The following UTRN variants were observed in gnomAD, a reference collection of about 807,000 sequenced individuals.
The protein encoded by UTRN is utrophin.
In UTRN, 283 loss-of-function variants were observed where a neutral mutation model predicts 463.9. The observed-to-expected ratio is 0.61, with a 90% CI of 0.55 to 0.67. The LOEUF is 0.67. Ranked by LOEUF, UTRN falls within the 30% of genes least tolerant of loss-of-function variation. The probability of loss-of-function intolerance (pLI) is 0.00; values close to 1 mark genes in which losing one functional copy is unlikely to be tolerated. For missense variants in UTRN, 3,922 were observed against 4,084.3 expected (o/e 0.96, Z 1.08); for synonymous variants, 1,442 against 1,431.5 (o/e 1.01, Z -0.17).
At chr6:144,413,118 G>T (rs1008928891) in intron 3 of UTRN, among the ~76,000 whole-genome samples, 2 of 152,094 alleles carry the variant, frequency 1.3e-5, no homozygotes, top group African/African-American at 4.8e-5. Context: ...TAACGTGTTT[G>T]CCATATTATG....
At chr6:144,790,959 G>A (rs184208171) in intron 62 of UTRN, among the ~76,000 whole-genome samples, 21 of 152,302 alleles carry the variant, frequency 1.4e-4, no homozygotes, top group Admixed American at 5.2e-4. Context: ...GGCAGGGGAA[G>A]CAGAAGGCTC....
At chr6:144,403,819 A>G in intron 3 of UTRN, among the ~76,000 whole-genome samples, 1 of 152,156 alleles carries the variant, frequency 6.6e-6, no homozygotes, top group East Asian at 1.9e-4. Context: ...ATGATTATCT[A>G]TTAGTTATTG....
At chr6:144,674,872 C>A (rs1305842676) in intron 51 of UTRN, among the ~76,000 whole-genome samples, 1 of 152,160 alleles carries the variant, frequency 6.6e-6, no homozygotes, top group East Asian at 1.9e-4. Context: ...TTTAAAATTT[C>A]TTTAAGGTAG....
chr6:144,322,817 C>G (rs938998662), intron 2 of UTRN, among the ~76,000 whole-genome samples: 1 of 152,036 alleles, frequency 6.6e-6, no homozygotes, highest in Non-Finnish European at 1.5e-5. Flanking sequence ...GTGGCGGGCT[C>G]CTGTAGTCCC....
Position 144,493,330 on chromosome 6 carries a change from A to G in UTRN, c.4467A>G (p.Lys1489=), listed in dbSNP as rs759435370. The G allele has an allele frequency of 2.7e-5, 44 of 1,614,022 alleles. No individual in the cohort carries two copies. The Admixed American group carries it at 7.3e-4, about 27-fold the overall frequency. ...TGTATAAAACTTTGAGTGAAGTCAA[A>G]CTTGAAGTGGAAACTGTGATTAAAA... ...MKLYKTLSEV[K]LEVETVIKTG... Residue 1489 remains lysine (K), a synonymous_variant, in exon 33 of 75, where the codon AAA becomes AAG. Coordinates refer to ENST00000367545, the MANE Select transcript of UTRN (RefSeq NM_007124.3).
At chr6:144,364,969 G>T (rs1476306087) in intron 2 of UTRN, among the ~76,000 whole-genome samples, 1 of 152,186 alleles carries the variant, frequency 6.6e-6, no homozygotes, top group Non-Finnish European at 1.5e-5. Flanking sequence ...GCTAACCCAA[G>T]ATAACCTTCT....
At position 144,557,328 on chromosome 6, in the gene UTRN, G is replaced by A. The variant is rs1216084499; in HGVS notation, c.7289+17G>A. 1 of 1,601,654 alleles carries A rather than the reference G, an allele frequency of 6.2e-7. No individual in the cohort carries two copies. On this transcript the variant is annotated intron_variant, in intron 50 of 74. Coordinates refer to ENST00000367545, the MANE Select transcript of UTRN (RefSeq NM_007124.3). Reference sequence around the variant, plus strand: ...CAAACAAAGGTAAGTCTAAGGCCCTGGCAGGTAAATGTATATTGTCAAGTT... The same window carrying A: ...CAAACAAAGGTAAGTCTAAGGCCCTAGCAGGTAAATGTATATTGTCAAGTT...
chr6:144,356,624 C>G (rs898158480), intron 2 of UTRN, among the ~76,000 whole-genome samples: 2 of 152,176 alleles, frequency 1.3e-5, no homozygotes, highest in African/African-American at 4.8e-5. Flanking sequence ...ACTAGCCTGG[C>G]TAACATGGTG....
intron 2 of UTRN, among the ~76,000 whole-genome samples, chr6:144,300,984 T>G (rs1805191621): frequency 1.3e-5 from 2 of 152,172 alleles, no homozygotes; most frequent in African/African-American, 4.8e-5. Context: ...AAATATTGTC[T>G]CAGGGGTGGG....
intron 51 of UTRN, among the ~76,000 whole-genome samples, chr6:144,578,583 C>A (rs962817042): frequency 6.6e-6 from 1 of 152,204 alleles, no homozygotes; most frequent in Non-Finnish European, 1.5e-5. Flanking sequence ...GATCCACCTG[C>A]CTCGGTCTCC....
chr6:144,646,620 A>G (rs1778329535), intron 51 of UTRN, among the ~76,000 whole-genome samples: 1 of 152,144 alleles, frequency 6.6e-6, no homozygotes, highest in South Asian at 2.1e-4. Context: ...ATTCCCTATC[A>G]TAATACCGAT....
At chr6:144,783,252 A>G (rs1776011720) in intron 61 of UTRN, among the ~76,000 whole-genome samples, 1 of 152,106 alleles carries the variant, frequency 6.6e-6, no homozygotes, top group Non-Finnish European at 1.5e-5. Context: ...ATGCCCAAAA[A>G]GTTATTATCT....
chr6:144,428,730 G>T (rs1260651442), intron 7 of UTRN, 48 bp from the exon 8 acceptor site: 13 of 1,078,882 alleles, frequency 1.2e-5, no homozygotes, highest in African/African-American at 1.6e-5. Context: ...TGCCTACTTT[G>T]TTTCCACATA....
chr6:144,415,868 T>A (rs1415994623), intron 3 of UTRN, among the ~76,000 whole-genome samples: 2 of 151,994 alleles, frequency 1.3e-5, no homozygotes. Context: ...AGTGGTCATG[T>A]TTGGGATGTG....
chr6:144,518,266 A>T (rs915040553), intron 39 of UTRN, among the ~76,000 whole-genome samples: 1 of 152,326 alleles, frequency 6.6e-6, no homozygotes, highest in East Asian at 1.9e-4. Flanking sequence ...ATGGCTGATC[A>T]TGTCATTCCT....
chr6:144,442,118 T>C (rs1462017687), intron 13 of UTRN, among the ~76,000 whole-genome samples: 2 of 152,244 alleles, frequency 1.3e-5, no homozygotes, highest in African/African-American at 4.8e-5. Context: ...AACTTTTGCC[T>C]CTTTGTTACT....
At chr6:144,348,391 G>A (rs1777790775) in intron 2 of UTRN, among the ~76,000 whole-genome samples, 1 of 152,188 alleles carries the variant, frequency 6.6e-6, no homozygotes, top group Admixed American at 6.5e-5. Context: ...TGTCATCTTT[G>A]TCATATGTTA....
At chr6:144,522,244 C>T (rs962359623) in intron 40 of UTRN, 73 bp downstream of exon 40, 3 of 1,235,372 alleles carry the variant, frequency 2.4e-6, no homozygotes, top group African/African-American at 1.6e-5. Flanking sequence ...GTTCTTGTGC[C>T]TACTTAGATG....
At chr6:144,528,792 A>G (rs1339493417) in intron 41 of UTRN, among the ~76,000 whole-genome samples, 1 of 152,200 alleles carries the variant, frequency 6.6e-6, no homozygotes, top group East Asian at 1.9e-4. Flanking sequence ...CAGCCAGGAG[A>G]TGGTGCTTAC....
Sources: allele counts gnomAD v4.1 joint callset (sites outside exome capture counted in the v4.1 genomes callset), GRCh38; gene constraint gnomAD v4.1.1; transcripts MANE v1.5; gene names NCBI Gene and HGNC (gene_info 2026-07-23, HGNC 2026-07-21).